Variants in SETD2 observed in about 807,000 individuals in gnomAD.
The protein encoded by SETD2 is histone-lysine N-methyltransferase SETD2.
In SETD2, 31 loss-of-function variants were observed where a neutral mutation model predicts 242.1. The observed-to-expected ratio is 0.13, with a 90% CI of 0.10 to 0.17. SETD2 has a LOEUF of 0.17. SETD2 is among the 10% of genes least tolerant of loss of function. SETD2 has a pLI of 1.00. For missense variants in SETD2, 2,481 were observed against 3,046.3 expected (o/e 0.81, Z 4.37); for synonymous variants, 1,006 against 1,066.5 (o/e 0.94, Z 1.11).
At chr3:47,134,287 C>T (rs1223000757) in intron 1 of SETD2, among the ~76,000 whole-genome samples, 1 of 152,200 alleles carries the variant, frequency 6.6e-6, no homozygotes, top group Non-Finnish European at 1.5e-5. Flanking sequence ...TAAAGTCATG[C>T]ATGTTTTGAC....
At chr3:47,070,907 A>G (rs895168548) in intron 12 of SETD2, among the ~76,000 whole-genome samples, 23 of 152,130 alleles carry the variant, frequency 1.5e-4, no homozygotes, top group African/African-American at 5.6e-4. Context: ...TTGTGTGTGT[A>G]TATGTGTGTA....
intron 1 of SETD2, among the ~76,000 whole-genome samples, chr3:47,138,512 C>T (rs960689530): frequency 2.0e-5 from 3 of 152,116 alleles, no homozygotes; most frequent in Admixed American, 2.0e-4. Flanking sequence ...ACCTCCACCT[C>T]CCAGGTTCAA....
chr3:47,138,506 C>A (rs756138696), intron 1 of SETD2, among the ~76,000 whole-genome samples: 1 of 152,134 alleles, frequency 6.6e-6, no homozygotes, highest in Non-Finnish European at 1.5e-5. Context: ...ACCACAACCT[C>A]CACCTCCCAG....
At chr3:47,109,580 T>C (rs1183266859) in intron 5 of SETD2, among the ~76,000 whole-genome samples, 1 of 151,786 alleles carries the variant, frequency 6.6e-6, no homozygotes, top group Non-Finnish European at 1.5e-5. Flanking sequence ...CCCAGGAGGT[T>C]GAGGCAGCAG....
intron 1 of SETD2, among the ~76,000 whole-genome samples, chr3:47,161,827 C>A (rs1697495073): frequency 6.6e-6 from 1 of 151,176 alleles, no homozygotes; most frequent in Admixed American, 6.6e-5. Context: ...AGGAGGACTG[C>A]TTAAGCCCAG....
rs879086562 is a variant in SETD2, at chr3:47,120,702, T to C, written c.3934A>G (p.Arg1312Gly). 1 of 1,614,210 alleles carries C rather than the reference T, an allele frequency of 6.2e-7. No individual in the cohort carries two copies. Among genetic ancestry groups the C allele is most frequent in the African/African-American group, 1.3e-5 (1 of 75,060 alleles). ...GNGYWDPRSG[R>G]PPGTGVVYDR... Reference sequence around the variant, plus strand: ...TACACAACCCCAGTTCCAGGAGGTCTACCTGATCTTGGATCCCAGTAACCA... The same window carrying C: ...TACACAACCCCAGTTCCAGGAGGTCCACCTGATCTTGGATCCCAGTAACCA... The change falls in exon 3 of 21, where the codon AGA (arginine) becomes GGA (glycine). Residue 1312 changes from arginine (R) to glycine (G), a missense_variant. Arg to Gly is a moderately radical substitution (Grantham distance 125, BLOSUM62 -2). Transcript: ENST00000409792.
At position 47,057,099 on chromosome 3, in the gene SETD2, C is replaced by G. The variant is rs1171530720; in HGVS notation, c.6685G>C (p.Val2229Leu). 3.7e-6 allele frequency: 6 copies of G among 1,614,136 alleles called. No homozygotes were observed. The highest frequency in any genetic ancestry group is 5.1e-6 in the Non-Finnish European group (6 of 1,180,054). ...APPPVPVVPH[V>L]AAPVEVSSSQ... is the part of the protein sequence containing the mutation. ...CTGGAAACTTCCACAGGAGCTGCCA[C>G]ATGTGGCACCACTGGTACTGGTGGA... The change falls in exon 15 of 21, where the codon GTG (valine) becomes CTG (leucine). Residue 2229 changes from valine (V) to leucine (L), a missense_variant. Val to Leu is a conservative substitution (Grantham distance 32, BLOSUM62 1). Transcript: ENST00000409792.
chr3:47,132,719 A>T (rs1057082688), intron 1 of SETD2, among the ~76,000 whole-genome samples: 1 of 152,224 alleles, frequency 6.6e-6, no homozygotes, highest in Non-Finnish European at 1.5e-5. Flanking sequence ...ATAAGCAAAG[A>T]CTTCAAAAAT....
Position 47,146,521 on chromosome 3 carries a change from G to A in SETD2, c.71+17333C>T, listed in dbSNP as rs145361862. On this transcript the variant is annotated intron_variant, in intron 1 of 20. Coordinates refer to ENST00000409792, the MANE Select transcript of SETD2 (RefSeq NM_014159.7). Reference sequence around the variant, plus strand: ...TAGTCGCCTCTAATACCAGCTACTCGGGAGGCTGAGGCAGGAGAATCGCTT... The same window carrying A: ...TAGTCGCCTCTAATACCAGCTACTCAGGAGGCTGAGGCAGGAGAATCGCTT... 9.9e-3 allele frequency among the ~76,000 whole-genome samples: 1,510 copies of A among 151,886 alleles called. 31 individuals carry two copies. Among genetic ancestry groups the A allele is most frequent in the African/African-American group, 0.035 (1,454 of 41,390 alleles).
At chr3:47,142,754 G>A (rs1355445813) in intron 1 of SETD2, among the ~76,000 whole-genome samples, 2 of 149,416 alleles carry the variant, frequency 1.3e-5, no homozygotes, top group South Asian at 2.1e-4. Context: ...TGCAACCTCC[G>A]CCTCCCAGGT....
intron 1 of SETD2, among the ~76,000 whole-genome samples, chr3:47,158,103 T>C (rs1169821142): frequency 6.6e-6 from 1 of 152,156 alleles, no homozygotes; most frequent in African/African-American, 2.4e-5. Context: ...CTATACCATT[T>C]TGGCAATCTA....
intron 5 of SETD2, among the ~76,000 whole-genome samples, chr3:47,106,710 G>A (rs751569710): frequency 1.4e-4 from 21 of 151,084 alleles, no homozygotes; most frequent in Admixed American, 1.3e-3. Flanking sequence ...TACTTGGGAG[G>A]CTGAGACAGG....
chr3:47,045,779 A>AT (rs199527736), intron 16 of SETD2, among the ~76,000 whole-genome samples: 6,427 of 137,482 alleles, frequency 0.047, 183 homozygotes, highest in Middle Eastern at 0.073. Flanking sequence ...TCCTAGGAGC[A>AT]TTTTTTTTTT....
At chr3:47,023,297 G>A (rs2038320152) in intron 18 of SETD2, among the ~76,000 whole-genome samples, 1 of 152,198 alleles carries the variant, frequency 6.6e-6, no homozygotes, top group Non-Finnish European at 1.5e-5. Flanking sequence ...CTACTCGGGA[G>A]GCTGAGGCAG....
chr3:47,062,319 C>G lies in SETD2; in HGVS notation c.6137G>C (p.Gly2046Ala), dbSNP rs1559678399. The change falls in exon 14 of 21, where the codon GGC becomes GCC. Residue 2046 changes from glycine to alanine, a missense_variant. Around this residue, in one of 17 missense-constraint regions of SETD2, gnomAD observed 80 missense variants for 102.6 expected, o/e 0.78. Transcript: ENST00000409792. ...TTTERGRDAVGFRDQTPAPKT... is the reference protein window; with the variant it reads ...TTTERGRDAVAFRDQTPAPKT... ...CGGGGCAGGTGTTTGATCTCTGAAG[C>G]CAACAGCATCCCTTCCTCGTTCAGT... 2 of 1,608,106 alleles carry G rather than the reference C, an allele frequency of 1.2e-6. No individual in the cohort carries two copies. The highest frequency in any genetic ancestry group is 1.1e-5 in the South Asian group (1 of 89,410).
chr3:47,116,510 G>A, intron 4 of SETD2, 113 bp downstream of exon 4: 2 of 1,033,720 alleles, frequency 1.9e-6, no homozygotes, highest in Non-Finnish European at 2.8e-6. Flanking sequence ...TTTTTTGCTT[G>A]TAGTCATCCA....
In SETD2 at chr3:47,101,597, AGTGTGTGTGTGT is replaced by A. The variant is rs61571386; in HGVS notation, c.4918-54_4918-43del. ...AAACAAAAGAAATTAGTAACTTATT[AGTGTGTGTGTGT>A]GTGTGTGTGTGTGTGTGTGTGTGTG... On this transcript the variant is annotated intron_variant, in intron 7 of 20. Coordinates refer to ENST00000409792, the MANE Select transcript of SETD2 (RefSeq NM_014159.7). The A allele has an allele frequency of 5.1e-4, 374 of 734,100 alleles. 1 individual carries two copies. The highest frequency in any genetic ancestry group is 4.5e-3 in the African/African-American group (234 of 52,454). The allele number at this position is 734,100 out of a possible 1,614,324, so 45.5% of individuals were successfully genotyped here.
At position 47,121,844 on chromosome 3, in the gene SETD2, TCTA is replaced by T. The variant is rs1559745020; in HGVS notation, c.2789_2791del (p.Val930del). ...TGAATCAGGAAGGTCACTACCTACT[TCTA>T]CTATTGTTTCTTTCCCTGCATGCTT... is the stretch of plus-strand genomic sequence containing the variant. On this transcript the variant is annotated inframe_deletion, in exon 3 of 21. Coordinates refer to ENST00000409792, the MANE Select transcript of SETD2 (RefSeq NM_014159.7). 6.2e-7 allele frequency: 1 copy of T among 1,614,082 alleles called. No homozygotes were observed. The highest frequency in any genetic ancestry group is 8.5e-7 in the Non-Finnish European group (1 of 1,180,002).
chr3:47,043,809 G>A (rs1383499577), intron 16 of SETD2, among the ~76,000 whole-genome samples: 2 of 151,974 alleles, frequency 1.3e-5, no homozygotes, highest in African/African-American at 2.4e-5. Context: ...CTATCCTTTA[G>A]CTTATAAAGT....
Sources: allele counts gnomAD v4.1 joint callset (sites outside exome capture counted in the v4.1 genomes callset), GRCh38; gene constraint gnomAD v4.1.1; regional missense constraint gnomAD v4.1.1; transcripts MANE v1.5; gene names NCBI Gene and HGNC (gene_info 2026-07-23, HGNC 2026-07-21).